Variants in MPPED2 observed in about 807,000 individuals in gnomAD.
MPPED2 encodes the protein metallophosphoesterase domain containing 2.
Under a neutral mutation model 33.0 loss-of-function variants are expected in MPPED2, and 5 were observed. That is an observed-to-expected ratio of 0.15 (90% CI 0.08 to 0.32). The LOEUF is 0.32. Ranked by LOEUF, MPPED2 falls within the 10% of genes least tolerant of loss-of-function variation. The probability of loss-of-function intolerance (pLI) is 1.00; values close to 1 mark genes in which losing one functional copy is unlikely to be tolerated. For missense variants in MPPED2, 275 were observed against 372.1 expected (o/e 0.74, Z 2.15); for synonymous variants, 136 against 141.9 (o/e 0.96, Z 0.29).
intron 4 of MPPED2, among the ~76,000 whole-genome samples, chr11:30,444,640 C>T (rs1949723926): frequency 6.6e-6 from 1 of 152,106 alleles, no homozygotes. Context: ...TAAATTAACT[C>T]ATTAAAAATA....
chr11:30,585,422 C>T (rs780780934), intron 1 of MPPED2, among the ~76,000 whole-genome samples: 46 of 152,058 alleles, frequency 3.0e-4, no homozygotes, highest in Non-Finnish European at 5.9e-4. Context: ...GCAGCCGGAG[C>T]ACAAAGCTGC....
chr11:30,398,195 A>G (rs1947862239), intron 6 of MPPED2, among the ~76,000 whole-genome samples: 1 of 152,132 alleles, frequency 6.6e-6, no homozygotes, highest in South Asian at 2.1e-4. Flanking sequence ...CTTTCAGCCA[A>G]TCTCCACAGT....
At chr11:30,388,763 A>G in exon 7 of MPPED2, 1 of 1,261,634 alleles carries the variant, frequency 7.9e-7, no homozygotes. Context: ...TGTCTTCACC[A>G]AGGAGAGGCA....
At chr11:30,563,793 C>G (rs778820114) in intron 2 of MPPED2, among the ~76,000 whole-genome samples, 4 of 152,186 alleles carry the variant, frequency 2.6e-5, no homozygotes, top group Non-Finnish European at 4.4e-5. Context: ...GCAGAGGATT[C>G]AAGATCAGCC....
exon 7 of MPPED2, chr11:30,386,710 C>T (rs757983787): frequency 1.8e-5 from 7 of 398,368 alleles, no homozygotes; most frequent in African/African-American, 8.2e-5. Flanking sequence ...TAACTCTTGT[C>T]GCTGCTTGTC....
intron 4 of MPPED2, among the ~76,000 whole-genome samples, chr11:30,451,085 G>A (rs1042381355): frequency 5.3e-5 from 8 of 152,166 alleles, no homozygotes; most frequent in East Asian, 3.9e-4. Context: ...TCATGCTAGC[G>A]TCACCCCTAA....
In MPPED2 at chr11:30,426,897, A is replaced by C. The variant is rs568521217; in HGVS notation, c.537-9264T>G. Among the ~76,000 whole-genome samples the C allele has an allele frequency of 5.3e-5, 8 of 152,212 alleles. No homozygotes were observed. The South Asian group carries it at 1.0e-3, about 20-fold the overall frequency. On this transcript the variant is annotated intron_variant, in intron 4 of 6. Transcript: ENST00000358117. Reference sequence around the variant, plus strand: ...GTTTCCTCCTATACATTCCATAATAAGGCCCTGCAGCTGAAACCAGGACCA... The same window carrying C: ...GTTTCCTCCTATACATTCCATAATACGGCCCTGCAGCTGAAACCAGGACCA...
At position 30,511,790 on chromosome 11, in the gene MPPED2, A is replaced by G. The variant is rs375506067; in HGVS notation, c.311-16269T>C. On this transcript the variant is annotated intron_variant, in intron 3 of 6. Transcript: ENST00000358117. ...TTAAAAATCTACCCTTGTGATGAAA[A>G]TATTTTCTAAAATATTTAATTTTCT... Among the ~76,000 whole-genome samples, 4 of 152,200 alleles carry G rather than the reference A, an allele frequency of 2.6e-5. No homozygotes were observed. In the East Asian group the frequency reaches 5.8e-4, roughly 22 times the overall value.
downstream of MPPED2, among the ~76,000 whole-genome samples, chr11:30,408,208 C>T (rs1183300547): frequency 6.6e-6 from 1 of 152,216 alleles, no homozygotes; most frequent in Non-Finnish European, 1.5e-5. Context: ...TGCTGGGCCT[C>T]AGCTGAGAGG....
intron 4 of MPPED2, among the ~76,000 whole-genome samples, chr11:30,443,738 T>C (rs1039324087): frequency 1.3e-5 from 2 of 152,228 alleles, no homozygotes; most frequent in African/African-American, 2.4e-5. Flanking sequence ...CCTAAGAGGA[T>C]GACCAGTAAC....
At chr11:30,386,712 C>G (rs1320165637) in exon 7 of MPPED2, 2 of 398,400 alleles carry the variant, frequency 5.0e-6, no homozygotes, top group African/African-American at 4.1e-5. Flanking sequence ...ACTCTTGTCG[C>G]TGCTTGTCCT....
At chr11:30,397,525 G>A (rs541737086) in intron 6 of MPPED2, among the ~76,000 whole-genome samples, 6 of 151,992 alleles carry the variant, frequency 3.9e-5, no homozygotes, top group Non-Finnish European at 5.9e-5. Flanking sequence ...TAAGTTCATC[G>A]GATTGTTCTG....
chr11:30,563,463 A>T (rs1956317271), intron 2 of MPPED2, among the ~76,000 whole-genome samples: 1 of 152,160 alleles, frequency 6.6e-6, no homozygotes, highest in South Asian at 2.1e-4. Flanking sequence ...ACCTCTACAG[A>T]ATACCCAAGG....
intron 4 of MPPED2, among the ~76,000 whole-genome samples, chr11:30,449,124 T>A (rs1949940177): frequency 6.6e-6 from 1 of 152,238 alleles, no homozygotes; most frequent in African/African-American, 2.4e-5. Context: ...TATTCCTTAA[T>A]CTATATCCAC....
At chr11:30,405,125 T>C (rs1947970439) in intron 6 of MPPED2, among the ~76,000 whole-genome samples, 1 of 152,196 alleles carries the variant, frequency 6.6e-6, no homozygotes, top group East Asian at 1.9e-4. Context: ...TAGGATTATG[T>C]AGTTGCTACC....
At chr11:30,500,706 G>A (rs1395470124) in intron 3 of MPPED2, among the ~76,000 whole-genome samples, 1 of 152,152 alleles carries the variant, frequency 6.6e-6, no homozygotes, top group Non-Finnish European at 1.5e-5. Context: ...TTTGAGTTTT[G>A]CTTTTGCATG....
intron 2 of MPPED2, among the ~76,000 whole-genome samples, chr11:30,542,494 G>T (rs1463962378): frequency 6.7e-6 from 1 of 149,880 alleles, no homozygotes. Flanking sequence ...GCCAGGCATG[G>T]TGGTACATGC....
At chr11:30,386,591 C>T (rs373868106) in exon 7 of MPPED2, 43 of 397,166 alleles carry the variant, frequency 1.1e-4, no homozygotes, top group African/African-American at 8.2e-4. Context: ...AACAGACTAA[C>T]ACATGACTGT....
At position 30,411,465 on chromosome 11, in the gene MPPED2, G is replaced by C; in HGVS notation, c.*3C>G. The C allele has an allele frequency of 6.2e-7, 1 of 1,612,182 alleles. No homozygotes were observed. ...CTCACATTCCAATAGGGCATTTAGA[G>C]CTTCAGGAACCCTGTGGGTTTGGAA... is the stretch of plus-strand genomic sequence containing the variant. On this transcript the variant is annotated 3_prime_UTR_variant, in exon 7 of 7. Coordinates refer to ENST00000358117, the MANE Select transcript of MPPED2 (RefSeq NM_001584.3).
Sources: allele counts gnomAD v4.1 joint callset (sites outside exome capture counted in the v4.1 genomes callset), GRCh38; gene constraint gnomAD v4.1.1; transcripts MANE v1.5; gene names NCBI Gene and HGNC (gene_info 2026-07-23, HGNC 2026-07-21).